The following ZNF385B variants were observed in gnomAD, a reference collection of about 807,000 sequenced individuals.
ZNF385B encodes the protein zinc finger protein 385B.
ZNF385B carries 23 observed loss-of-function variants against 39.2 expected under a neutral mutation model. The observed-to-expected ratio is 0.59, with a 90% confidence interval of 0.42 to 0.83. ZNF385B has a LOEUF of 0.83. Among genes scored for constraint, ZNF385B ranks in the 40% least tolerant of loss-of-function variants. ZNF385B has a pLI of 0.00. For missense variants in ZNF385B, 552 were observed against 598.9 expected, an observed-to-expected ratio of 0.92 and a Z score of 0.82; for synonymous variants, 205 against 222.6, an observed-to-expected ratio of 0.92 and a Z score of 0.70.
At chr2:179,579,631 A>C (rs1686255922) in intron 3 of ZNF385B, among the ~76,000 whole-genome samples, 1 of 152,160 alleles carries the variant, frequency 6.6e-6, no homozygotes, top group Non-Finnish European at 1.5e-5. Context: ...TAACATTTAT[A>C]AACTTGTAAA....
intron 3 of ZNF385B, among the ~76,000 whole-genome samples, chr2:179,560,544 C>T (rs1216579597): frequency 6.6e-6 from 1 of 152,174 alleles, no homozygotes; most frequent in Non-Finnish European, 1.5e-5. Flanking sequence ...ACTTGTATCT[C>T]TGTCTCCTTT....
At chr2:179,475,245 C>T (rs116309644) in intron 6 of ZNF385B, among the ~76,000 whole-genome samples, 303 of 145,690 alleles carry the variant, frequency 2.1e-3, no homozygotes, top group African/African-American at 7.2e-3. Context: ...TTTCCATTAT[C>T]GCACAATTTT....
intron 1 of ZNF385B, among the ~76,000 whole-genome samples, chr2:179,818,575 C>T (rs1443522130): frequency 2.0e-5 from 3 of 152,166 alleles, no homozygotes; most frequent in Admixed American, 6.5e-5. Flanking sequence ...TAATATTACA[C>T]ATAATCATAA....
In ZNF385B at chr2:179,444,988, T is replaced by C. The variant is rs778385833; in HGVS notation, c.1141-11A>G. 10 of 1,610,584 alleles carry C rather than the reference T, an allele frequency of 6.2e-6. No homozygotes were observed. Among genetic ancestry groups the C allele is most frequent in the Admixed American group, 1.7e-5 (1 of 60,030 alleles). ...TCGGCTAGAAATGTGCTGAAAAAGT[T>C]TGATGCATTAGCTGGACTGAAATGT... On this transcript the variant is annotated splice_polypyrimidine_tract_variant and intron_variant, in intron 8 of 9. Coordinates refer to ENST00000410066, the MANE Select transcript of ZNF385B (RefSeq NM_152520.6).
At chr2:179,674,708 A>T (rs1215369013) in intron 3 of ZNF385B, among the ~76,000 whole-genome samples, 1 of 152,144 alleles carries the variant, frequency 6.6e-6, no homozygotes, top group Non-Finnish European at 1.5e-5. Context: ...TTATGTTACC[A>T]TTACTGCATT....
At chr2:179,494,227 A>G (rs2055903102) in intron 5 of ZNF385B, among the ~76,000 whole-genome samples, 1 of 152,110 alleles carries the variant, frequency 6.6e-6, no homozygotes, top group Admixed American at 6.6e-5. Context: ...GGGAACACCA[A>G]ATATCCATTG....
rs971456085 is a variant in ZNF385B, at chr2:179,445,474, C to A, written c.1140+76G>T. 1.3e-4 allele frequency: 183 copies of A among 1,455,358 alleles called. 1 individual carries two copies. The South Asian group carries it at 2.4e-3, about 19-fold the overall frequency. 90.2% of individuals were successfully genotyped at this position (1,455,358 alleles called of 1,614,324 possible). On this transcript the variant is annotated intron_variant, in intron 8 of 9. Transcript: ENST00000410066. ...AACTTAACTGTGAGCACAGTAAAAA[C>A]CATTCTATAGATGAGAAGATACACA...
chr2:179,500,646 C>G (rs2056669370), intron 5 of ZNF385B, among the ~76,000 whole-genome samples: 2 of 152,156 alleles, frequency 1.3e-5, no homozygotes, highest in African/African-American at 4.8e-5. Flanking sequence ...AAAACTGCTA[C>G]AAGACTAACA....
At chr2:179,633,840 G>C (rs1340728856) in intron 3 of ZNF385B, among the ~76,000 whole-genome samples, 1 of 152,120 alleles carries the variant, frequency 6.6e-6, no homozygotes, top group Admixed American at 6.5e-5. Flanking sequence ...AAACAGCATG[G>C]TACTGGTACC....
At chr2:179,705,690 C>T (rs899740523) in intron 3 of ZNF385B, among the ~76,000 whole-genome samples, 1 of 152,134 alleles carries the variant, frequency 6.6e-6, no homozygotes, top group African/African-American at 2.4e-5. Context: ...AAGATGAAAC[C>T]GACCAAGGGT....
intron 3 of ZNF385B, among the ~76,000 whole-genome samples, chr2:179,602,973 C>T (rs1339138668): frequency 2.0e-5 from 3 of 152,064 alleles, no homozygotes; most frequent in African/African-American, 7.2e-5. Flanking sequence ...CCTTAAATAC[C>T]TCTAAAGATC....
intron 1 of ZNF385B, among the ~76,000 whole-genome samples, chr2:179,777,116 C>A (rs1260927636): frequency 2.0e-5 from 3 of 151,424 alleles, no homozygotes; most frequent in African/African-American, 7.3e-5. Context: ...AAATCAGTAT[C>A]TTTTCTGGCA....
chr2:179,753,997 C>T (rs1461563435), intron 3 of ZNF385B, among the ~76,000 whole-genome samples: 2 of 152,156 alleles, frequency 1.3e-5, no homozygotes, highest in Non-Finnish European at 2.9e-5. Context: ...GAGAGGGCAT[C>T]CCTGTCTTGT....
intron 1 of ZNF385B, among the ~76,000 whole-genome samples, chr2:179,832,309 G>A (rs983770157): frequency 2.0e-4 from 30 of 152,272 alleles, no homozygotes; most frequent in African/African-American, 7.2e-4. Context: ...CTTTTAAAAT[G>A]CAGTCTCACT....
intron 3 of ZNF385B, among the ~76,000 whole-genome samples, chr2:179,567,484 A>G (rs1287550368): frequency 1.3e-5 from 2 of 152,224 alleles, no homozygotes; most frequent in Non-Finnish European, 2.9e-5. Flanking sequence ...ACAATTAGAG[A>G]CTAATACAAA....
chr2:179,559,031 T>C (rs2061144604), intron 3 of ZNF385B, among the ~76,000 whole-genome samples: 2 of 152,184 alleles, frequency 1.3e-5, no homozygotes, highest in African/African-American at 4.8e-5. Context: ...AGCAGTGAGT[T>C]TGGCTTAGTT....
At chr2:179,568,768 C>G (rs1172381999) in intron 3 of ZNF385B, among the ~76,000 whole-genome samples, 60 of 152,206 alleles carry the variant, frequency 3.9e-4, no homozygotes, top group Admixed American at 3.9e-3. Flanking sequence ...GGATCCTCAG[C>G]CCACAGATGT....
chr2:179,756,970 G>A (rs985710853), intron 3 of ZNF385B, among the ~76,000 whole-genome samples: 5 of 152,264 alleles, frequency 3.3e-5, no homozygotes, highest in Admixed American at 1.3e-4. Context: ...ACTCATCAAC[G>A]TCATTCTCTG....
intron 3 of ZNF385B, among the ~76,000 whole-genome samples, chr2:179,702,484 G>T (rs376780280): frequency 1.3e-5 from 2 of 152,104 alleles, no homozygotes; most frequent in Non-Finnish European, 2.9e-5. Context: ...ATTGAAAAGC[G>T]ATCCACGTGC....
Sources: allele counts gnomAD v4.1 joint callset (sites outside exome capture counted in the v4.1 genomes callset), GRCh38; gene constraint gnomAD v4.1.1; transcripts MANE v1.5; gene names NCBI Gene and HGNC (gene_info 2026-07-23, HGNC 2026-07-21).